ATP8A2: variants seen among roughly 807,000 people sequenced by gnomAD.
The protein encoded by ATP8A2 is phospholipid-transporting ATPase IB.
A neutral mutation model predicts 165.6 loss-of-function variants in ATP8A2; 100 were observed. That is an observed-to-expected ratio of 0.60 (90% CI 0.51 to 0.71). The LOEUF is 0.71. Among genes scored for constraint, ATP8A2 ranks in the 30% least tolerant of loss-of-function variants. ATP8A2 has a pLI of 0.00. For missense variants in ATP8A2, 1,227 were observed against 1,479.5 expected, an observed-to-expected ratio of 0.83 and a Z score of 2.80; for synonymous variants, 543 against 548.8, an observed-to-expected ratio of 0.99 and a Z score of 0.15.
intron 24 of ATP8A2, among the ~76,000 whole-genome samples, chr13:25,610,188 C>G (rs992212651): frequency 6.6e-6 from 1 of 151,992 alleles, no homozygotes; most frequent in Non-Finnish European, 1.5e-5. Context: ...AAGTCTTTGC[C>G]TAAGGCAATG....
At chr13:25,951,164 CA>C (rs1167800306) in intron 33 of ATP8A2, among the ~76,000 whole-genome samples, 2 of 151,936 alleles carry the variant, frequency 1.3e-5, no homozygotes, top group Non-Finnish European at 2.9e-5. Flanking sequence ...TGTCCACACG[CA>C]AAAAAAGACT....
chr13:25,971,743 G>A (rs1427575074), intron 35 of ATP8A2, among the ~76,000 whole-genome samples: 1 of 152,022 alleles, frequency 6.6e-6, no homozygotes, highest in Non-Finnish European at 1.5e-5. Flanking sequence ...TCCAGGGAGG[G>A]GGCAGTTTAT....
intron 30 of ATP8A2, among the ~76,000 whole-genome samples, chr13:25,847,792 A>T (rs956117213): frequency 6.6e-6 from 1 of 152,146 alleles, no homozygotes; most frequent in Admixed American, 6.5e-5. Flanking sequence ...CTAATTCCTG[A>T]AGTTAGCAAA....
chr13:25,854,614 C>G (rs1471473468), intron 30 of ATP8A2, among the ~76,000 whole-genome samples: 1 of 152,170 alleles, frequency 6.6e-6, no homozygotes, highest in Non-Finnish European at 1.5e-5. Context: ...CTGTGCCTGG[C>G]CAAATGCTGT....
chr13:25,636,894 A>G lies in ATP8A2; in HGVS notation c.2211+47195A>G, dbSNP rs1286586259. Among the ~76,000 whole-genome samples the G allele has an allele frequency of 3.3e-5, 5 of 151,952 alleles. No homozygotes were observed. In the East Asian group the frequency reaches 9.7e-4, roughly 29 times the overall value. On this transcript the variant is annotated intron_variant, in intron 24 of 36. Coordinates refer to ENST00000381655, the MANE Select transcript of ATP8A2 (RefSeq NM_016529.6). Reference sequence around the variant, plus strand: ...GATTGCTGGAGCCCAGGAGTTTGAGACCAGCCTGGGCAACATAGTGAGTCA... The same window carrying G: ...GATTGCTGGAGCCCAGGAGTTTGAGGCCAGCCTGGGCAACATAGTGAGTCA...
rs547653473 is a variant in ATP8A2 at position 25,988,991 on chromosome 13, G to A, written c.3377+20312G>A. ...TTTTCCTCTTTGTGAGTCTTGCACG[G>A]GCCGTCAGCCTGTTTGTGAACTCTG... On this transcript the variant is annotated intron_variant, in intron 35 of 36. Transcript: ENST00000381655. 1.1e-4 allele frequency among the ~76,000 whole-genome samples: 17 copies of A among 152,312 alleles called. No individual in the cohort carries two copies. The East Asian group carries it at 3.3e-3, about 29-fold the overall frequency.
chr13:25,624,703 C>A (rs2041058807), intron 24 of ATP8A2, among the ~76,000 whole-genome samples: 1 of 152,084 alleles, frequency 6.6e-6, no homozygotes, highest in Admixed American at 6.6e-5. Context: ...TGGGTAAGTA[C>A]AAGTTGTGTG....
At chr13:25,530,973 TG>T (rs2038012665) in intron 4 of ATP8A2, among the ~76,000 whole-genome samples, 2 of 151,972 alleles carry the variant, frequency 1.3e-5, no homozygotes, top group Admixed American at 1.3e-4. Flanking sequence ...ATTGCTGTGT[TG>T]TCTAGGATGG....
chr13:25,923,437 G>T (rs748600154), intron 33 of ATP8A2, among the ~76,000 whole-genome samples: 6 of 152,188 alleles, frequency 3.9e-5, no homozygotes, highest in Non-Finnish European at 7.3e-5. Flanking sequence ...CACAGGTTGT[G>T]AAATCCTTAT....
rs569238823 is a variant in ATP8A2, at chr13:26,001,340, A to G, written c.3378-11191A>G. 1.3e-3 allele frequency among the ~76,000 whole-genome samples: 192 copies of G among 152,202 alleles called. 1 individual carries two copies. Among genetic ancestry groups the G allele is most frequent in the African/African-American group, 4.5e-3 (188 of 41,512 alleles). On this transcript the variant is annotated intron_variant, in intron 35 of 36. Coordinates refer to ENST00000381655, the MANE Select transcript of ATP8A2 (RefSeq NM_016529.6). The stretch of plus-strand genomic sequence containing the variant: ...GCTTTTGTGAATAACGCAGCTAGGG[A>G]TATTGTACTGGTATCTGTCTGAGTC...
chr13:25,383,153 C>A (rs1347711064), intron 1 of ATP8A2, among the ~76,000 whole-genome samples: 3 of 151,980 alleles, frequency 2.0e-5, no homozygotes, highest in Non-Finnish European at 4.4e-5. Flanking sequence ...TCAAGAGATT[C>A]TCCTGCCTCA....
intron 2 of ATP8A2, among the ~76,000 whole-genome samples, chr13:25,494,573 G>C (rs1466690025): frequency 6.6e-6 from 1 of 152,124 alleles, no homozygotes; most frequent in Non-Finnish European, 1.5e-5. Context: ...CTGCTTGTTT[G>C]TTTTTATGAG....
intron 24 of ATP8A2, among the ~76,000 whole-genome samples, chr13:25,599,646 T>A (rs2040329781): frequency 6.6e-6 from 1 of 152,220 alleles, no homozygotes; most frequent in Non-Finnish European, 1.5e-5. Flanking sequence ...GTGTGGCCAG[T>A]TATCTCTGAT....
chr13:25,540,306 T>TC lies in ATP8A2; in HGVS notation c.582-12dup, dbSNP rs1316809663. ...ACCTTATGAAACTTGGCTCTTTTTT[T>TC]CTCTCTCCTTAGTGAACCTCAGGCA... On this transcript the variant is annotated splice_polypyrimidine_tract_variant and intron_variant, in intron 7 of 36. Coordinates refer to ENST00000381655, the MANE Select transcript of ATP8A2 (RefSeq NM_016529.6). The TC allele has an allele frequency of 1.2e-6, 2 of 1,609,666 alleles. No homozygotes were observed.
At chr13:25,578,326 G>A (rs907225981) in intron 20 of ATP8A2, among the ~76,000 whole-genome samples, 1 of 152,186 alleles carries the variant, frequency 6.6e-6, no homozygotes, top group African/African-American at 2.4e-5. Flanking sequence ...CATGGAAATA[G>A]TCATAGGCAG....
At chr13:25,956,298 G>C (rs904507582) in intron 33 of ATP8A2, among the ~76,000 whole-genome samples, 11 of 152,106 alleles carry the variant, frequency 7.2e-5, no homozygotes, top group East Asian at 1.9e-4. Flanking sequence ...AGAAATAAAG[G>C]GTATTCAAAT....
intron 1 of ATP8A2, among the ~76,000 whole-genome samples, chr13:25,396,604 G>A (rs1197984006): frequency 1.3e-5 from 2 of 152,068 alleles, no homozygotes; most frequent in East Asian, 1.9e-4. Context: ...CCTTGACCCC[G>A]GGTAGCCTGC....
intron 25 of ATP8A2, among the ~76,000 whole-genome samples, chr13:25,714,615 A>G (rs1011502012): frequency 6.6e-6 from 1 of 152,236 alleles, no homozygotes; most frequent in Non-Finnish European, 1.5e-5. Flanking sequence ...TGAACACTCA[A>G]TAAATATTGG....
intron 1 of ATP8A2, among the ~76,000 whole-genome samples, chr13:25,437,896 G>A (rs1010553747): frequency 1.3e-5 from 2 of 152,054 alleles, no homozygotes; most frequent in African/African-American, 4.8e-5. Context: ...CTTTGCCACT[G>A]GACAACCTCC....
Sources: gnomAD v4.1 joint callset for allele counts (sites outside exome capture counted in the v4.1 genomes callset) on GRCh38, gnomAD v4.1.1 for gene constraint, MANE v1.5 for transcripts, NCBI Gene and HGNC (gene_info 2026-07-23, HGNC 2026-07-21) for gene names.